Variants in WDR20 observed in about 807,000 individuals in gnomAD.
WDR20 encodes WD repeat-containing protein 20.
WDR20 carries 3 observed loss-of-function variants against 38.7 expected under a neutral mutation model. The observed-to-expected ratio is 0.08, with a 90% CI of 0.04 to 0.20. The LOEUF is 0.20. Ranked by LOEUF, WDR20 falls within the 10% of genes least tolerant of loss-of-function variation. WDR20 has a pLI of 1.00. For synonymous variants in WDR20, 298 were observed against 285.6 expected (o/e 1.04, Z -0.44); for missense variants, 559 against 727.7 (o/e 0.77, Z 2.67).
chr14:102,146,713 T>TA (rs1275493311), intron 1 of WDR20, among the ~76,000 whole-genome samples: 1 of 151,944 alleles, frequency 6.6e-6, no homozygotes, highest in African/African-American at 2.4e-5. Flanking sequence ...TAGATGCCTT[T>TA]AAAAAAAATT....
At position 102,210,140 on chromosome 14, in the gene WDR20, G is replaced by A; in HGVS notation, c.*260G>A. On this transcript the variant is annotated 3_prime_UTR_variant, in exon 3 of 3. Transcript: ENST00000342702. ...GGGAGTATATAGAGTCCCAAGGTTA[G>A]CGCTCCTGTATTAGACTATTTCAAT... The A allele has an allele frequency of 8.4e-7, 1 of 1,195,086 alleles. No individual in the cohort carries two copies. Among genetic ancestry groups the A allele is most frequent in the East Asian group, 4.0e-5 (1 of 24,742 alleles). 74.0% of individuals were successfully genotyped at this position (1,195,086 alleles called of 1,614,324 possible).
intron 1 of WDR20, among the ~76,000 whole-genome samples, chr14:102,180,156 T>C (rs2063079570): frequency 6.6e-6 from 1 of 152,036 alleles, no homozygotes; most frequent in Middle Eastern, 3.2e-3. Flanking sequence ...AACAAAACAA[T>C]AATAATAATA....
chr14:102,140,038 C>A lies in WDR20; in HGVS notation c.115C>A (p.Pro39Thr). The change falls in exon 1 of 3, where the codon CCC (proline) becomes ACC (threonine). Residue 39 changes from proline to threonine, a missense_variant. Coordinates refer to ENST00000342702, the MANE Select transcript of WDR20 (RefSeq NM_144574.4). ...HSEYSRPNRV[P>T]FNSQGSNPVR... ...GGAGTACAGCCGGCCCAACCGGGTG[C>A]CCTTCAACTCGCAGGGATCCAACCC... The A allele has an allele frequency of 6.2e-7, 1 of 1,614,204 alleles. No individual in the cohort carries two copies. Among genetic ancestry groups the A allele is most frequent in the African/African-American group, 1.3e-5 (1 of 75,062 alleles).
At position 102,188,872 on chromosome 14, in the gene WDR20, CAAAAAA is replaced by C. The variant is rs34508888; in HGVS notation, c.250-6048_250-6043del. On this transcript the variant is annotated intron_variant, in intron 1 of 2. Transcript: ENST00000342702. ...TGGGCAGCAGAGCGAGACCCTGTTT[CAAAAAA>C]AAAAAAAAAAAAAAAAATTCCAGAG... 5.8e-4 allele frequency among the ~76,000 whole-genome samples: 57 copies of C among 97,544 alleles called. 1 individual carries two copies. Among genetic ancestry groups the C allele is most frequent in the Admixed American group, 7.7e-4 (6 of 7,794 alleles). 64.0% of individuals were successfully genotyped at this position (97,544 alleles called of 152,430 possible).
rs192735725 is a variant in WDR20 at position 102,149,355 on chromosome 14, C to G, written c.249+9183C>G. Among the ~76,000 whole-genome samples the G allele has an allele frequency of 3.4e-4, 51 of 151,904 alleles. 1 individual carries two copies. Among genetic ancestry groups the G allele is most frequent in the African/African-American group, 1.2e-3 (50 of 41,412 alleles). ...TGATTTTGTATTTATCATTATAATACAAAGTAGAGGATATGTGCTCTGCAT... is the reference window on the plus strand; with the variant it reads ...TGATTTTGTATTTATCATTATAATAGAAAGTAGAGGATATGTGCTCTGCAT... On this transcript the variant is annotated intron_variant, in intron 1 of 2. Transcript: ENST00000342702.
intron 1 of WDR20, among the ~76,000 whole-genome samples, chr14:102,158,845 T>C (rs1385975717): frequency 6.6e-6 from 1 of 152,134 alleles, no homozygotes; most frequent in Non-Finnish European, 1.5e-5. Context: ...CCACCTCATT[T>C]TGGCTAATCG....
intron 1 of WDR20, among the ~76,000 whole-genome samples, chr14:102,146,443 G>T (rs1203034072): frequency 1.3e-5 from 2 of 152,140 alleles, no homozygotes; most frequent in African/African-American, 4.8e-5. Flanking sequence ...GATTACAGGT[G>T]TGAATCACCA....
intron 1 of WDR20, among the ~76,000 whole-genome samples, chr14:102,140,446 TC>T (rs979490441): frequency 6.6e-6 from 1 of 151,912 alleles, no homozygotes; most frequent in Non-Finnish European, 1.5e-5. Context: ...CTGCGTCCCC[TC>T]CAGCCTGGTC....
downstream of WDR20, among the ~76,000 whole-genome samples, chr14:102,217,803 G>A (rs1262186822): frequency 1.3e-5 from 2 of 152,218 alleles, no homozygotes; most frequent in African/African-American, 4.8e-5. Flanking sequence ...TGGAAGTCTT[G>A]GTTCTGAGAG....
At chr14:102,161,311 C>G (rs1436251505) in intron 1 of WDR20, among the ~76,000 whole-genome samples, 1 of 148,430 alleles carries the variant, frequency 6.7e-6, no homozygotes, top group African/African-American at 2.5e-5. Context: ...GCACCATGCT[C>G]AGCTATTTTT....
chr14:102,214,764 T>C (rs902754071), downstream of WDR20: 4 of 978,634 alleles, frequency 4.1e-6, no homozygotes, highest in African/African-American at 7.0e-5. Flanking sequence ...AGAGCCTTCC[T>C]AACATGAAAT....
Position 102,222,483 on chromosome 14 carries a change from C to G in WDR20, c.1693-347C>G, listed in dbSNP as rs1597184912. On this transcript the variant is annotated intron_variant, in intron 3 of 3. Transcript: ENST00000335263. This position sits in a 1 kb window ranked among gnomAD's most constrained non-coding sequence, Gnocchi z 4.4. ...CAACCCTGGCTGAAGGCGCTGAACA[C>G]CTCCCACGAGGCACCTGCACCTTTG... Among the ~76,000 whole-genome samples the G allele has an allele frequency of 6.6e-6, 1 of 152,194 alleles. No individual in the cohort carries two copies. The highest frequency in any genetic ancestry group is 1.5e-5 in the Non-Finnish European group (1 of 68,036).
At chr14:102,152,146 C>G (rs1334522708) in intron 1 of WDR20, among the ~76,000 whole-genome samples, 1 of 151,830 alleles carries the variant, frequency 6.6e-6, no homozygotes, top group Admixed American at 6.6e-5. Context: ...GGACTCCTGA[C>G]CTGATATCAT....
At chr14:102,205,177 C>T (rs1482643720) in intron 2 of WDR20, among the ~76,000 whole-genome samples, 1 of 151,980 alleles carries the variant, frequency 6.6e-6, no homozygotes, top group Admixed American at 6.6e-5. Flanking sequence ...GGGAGGATTG[C>T]TTCGGCCTGG....
chr14:102,162,108 A>G (rs1242029814), intron 1 of WDR20, among the ~76,000 whole-genome samples: 1 of 152,214 alleles, frequency 6.6e-6, no homozygotes, highest in Admixed American at 6.5e-5. Context: ...TAGATATTGG[A>G]TAAGCGAGTA....
At chr14:102,200,467 T>TTTTGTGTG (rs748066838) in intron 2 of WDR20, among the ~76,000 whole-genome samples, 86 of 117,750 alleles carry the variant, frequency 7.3e-4, no homozygotes, top group African/African-American at 1.6e-3. Flanking sequence ...ATTTTTTTTT[T>TTTTGTGTG]TGTGTGTGTG....
exon 4 of WDR20, chr14:102,223,427 G>A (rs1027764663): frequency 1.3e-5 from 2 of 152,686 alleles, no homozygotes; most frequent in Non-Finnish European, 2.9e-5. Context: ...CTGGTGGAAA[G>A]TTACTTTGCA....
At chr14:102,211,143 G>A (rs1190027822), downstream of WDR20, among the ~76,000 whole-genome samples, 1 of 152,222 alleles carries the variant, frequency 6.6e-6, no homozygotes, top group Non-Finnish European at 1.5e-5. The surrounding 1 kb of genome is among the most constrained non-coding windows in gnomAD (Gnocchi z 4.2). Flanking sequence ...TTCCCAGTGG[G>A]TGAGATGGCC....
chr14:102,162,978 CAG>C (rs1205300164), intron 1 of WDR20, among the ~76,000 whole-genome samples: 29 of 152,178 alleles, frequency 1.9e-4, no homozygotes, highest in Non-Finnish European at 4.4e-5. Flanking sequence ...AACTCACAGA[CAG>C]AGGCTTGCTA....
Sources: allele counts gnomAD v4.1 joint callset (sites outside exome capture counted in the v4.1 genomes callset), GRCh38; gene constraint gnomAD v4.1.1; non-coding constraint Gnocchi (gnomAD v3.1); transcripts MANE v1.5; gene names NCBI Gene and HGNC (gene_info 2026-07-23, HGNC 2026-07-21).